CORIN: variants seen among roughly 807,000 people sequenced by gnomAD.
CORIN encodes atrial natriuretic peptide-converting enzyme.
A neutral mutation model predicts 125.3 loss-of-function variants in CORIN; 117 were observed. That is an observed-to-expected ratio of 0.93 (90% CI 0.80 to 1.09). The LOEUF (loss-of-function observed/expected upper bound fraction) is 1.09. Among genes scored for constraint, CORIN ranks in the 50% least tolerant of loss-of-function variants. The pLI, the probability that CORIN is intolerant of heterozygous loss-of-function variation, is 0.00. For missense variants in CORIN, 1,253 were observed against 1,306.7 expected (o/e 0.96, Z 0.63); for synonymous variants, 450 against 466.4 (o/e 0.96, Z 0.45).
chr4:47,795,233 A>C (rs954877876), intron 2 of CORIN, among the ~76,000 whole-genome samples: 1 of 152,094 alleles, frequency 6.6e-6, no homozygotes, highest in Non-Finnish European at 1.5e-5. Context: ...TGATGCCTCT[A>C]TCTTTGTCGT....
chr4:47,702,819 C>A (rs1287871710), intron 5 of CORIN, among the ~76,000 whole-genome samples: 1 of 152,190 alleles, frequency 6.6e-6, no homozygotes, highest in Non-Finnish European at 1.5e-5. Flanking sequence ...TCTAAAAATT[C>A]ACTTCCAATC....
intron 12 of CORIN, among the ~76,000 whole-genome samples, chr4:47,661,153 A>C (rs1228603659): frequency 6.6e-6 from 1 of 152,190 alleles, no homozygotes; most frequent in Non-Finnish European, 1.5e-5. Context: ...TGGTGATAGA[A>C]AGTAGACCAA....
At chr4:47,692,878 C>G (rs1725829655) in intron 6 of CORIN, 92 bp downstream of exon 6, 1 of 958,424 alleles carries the variant, frequency 1.0e-6, no homozygotes, top group Admixed American at 1.8e-5. Context: ...TTTAGAAAGG[C>G]AAACAAAAAG....
At chr4:47,671,280 G>A (rs546065013) in intron 10 of CORIN, among the ~76,000 whole-genome samples, 8 of 152,152 alleles carry the variant, frequency 5.3e-5, no homozygotes, top group African/African-American at 1.9e-4. Flanking sequence ...CCAGTGAGAG[G>A]CTGTCTCCAC....
chr4:47,782,800 G>A (rs183268959), intron 3 of CORIN, among the ~76,000 whole-genome samples: 165 of 152,094 alleles, frequency 1.1e-3, no homozygotes, highest in Non-Finnish European at 1.5e-3. Context: ...CAGATACAAA[G>A]GACCACATAT....
chr4:47,623,096 C>CTCTCTA (rs771867590), intron 19 of CORIN, among the ~76,000 whole-genome samples: 3,461 of 101,980 alleles, frequency 0.034, 86 homozygotes, highest in Non-Finnish European at 0.043. Flanking sequence ...CTCTCTCTCT[C>CTCTCTA]TATATATATA....
At chr4:47,725,076 C>T (rs539727759) in intron 5 of CORIN, among the ~76,000 whole-genome samples, 6 of 152,106 alleles carry the variant, frequency 3.9e-5, no homozygotes, top group Non-Finnish European at 8.8e-5. Flanking sequence ...TAACAAAATA[C>T]GTGCAAGACC....
intron 5 of CORIN, among the ~76,000 whole-genome samples, chr4:47,729,607 A>G (rs1727766177): frequency 6.6e-6 from 1 of 152,164 alleles, no homozygotes. Flanking sequence ...GGCACAAATG[A>G]TACAGACGGG....
At chr4:47,826,940 G>T (rs889167836) in intron 1 of CORIN, among the ~76,000 whole-genome samples, 15 of 151,944 alleles carry the variant, frequency 9.9e-5, no homozygotes, top group African/African-American at 2.9e-4. Context: ...AAAGGTAAAA[G>T]ATTTCATTAA....
At chr4:47,675,638 C>A (rs1043521473) in intron 9 of CORIN, among the ~76,000 whole-genome samples, 1 of 152,122 alleles carries the variant, frequency 6.6e-6, no homozygotes, top group Non-Finnish European at 1.5e-5. Context: ...GGGCATAATA[C>A]CCCCTGGGAA....
intron 19 of CORIN, among the ~76,000 whole-genome samples, chr4:47,621,858 T>C (rs1235022498): frequency 1.3e-5 from 2 of 152,134 alleles, no homozygotes; most frequent in South Asian, 2.1e-4. Context: ...ATCTTTTTTT[T>C]TTTTTTATAC....
intron 16 of CORIN, among the ~76,000 whole-genome samples, chr4:47,630,633 T>C (rs774549280): frequency 1.3e-5 from 2 of 152,168 alleles, no homozygotes; most frequent in African/African-American, 2.4e-5. Flanking sequence ...CAATTGCCAT[T>C]TGTCTACATA....
At chr4:47,707,866 G>A (rs1281584609) in intron 5 of CORIN, among the ~76,000 whole-genome samples, 2 of 152,098 alleles carry the variant, frequency 1.3e-5, no homozygotes, top group African/African-American at 4.8e-5. Context: ...GAAGTCCTTT[G>A]CCATGCTAAG....
At chr4:47,736,453 A>C (rs1728140276) in intron 5 of CORIN, among the ~76,000 whole-genome samples, 2 of 152,240 alleles carry the variant, frequency 1.3e-5, no homozygotes, top group African/African-American at 4.8e-5. Flanking sequence ...AAGGTCCCAG[A>C]GAGAAGATAA....
intron 14 of CORIN, among the ~76,000 whole-genome samples, chr4:47,643,883 G>GT (rs1046638638): frequency 6.6e-6 from 1 of 152,100 alleles, no homozygotes; most frequent in Non-Finnish European, 1.5e-5. Context: ...TCTGTCTACA[G>GT]TTTTTTTGTT....
At chr4:47,641,507 TTAGAG>T (rs977442647) in intron 16 of CORIN, among the ~76,000 whole-genome samples, 3 of 151,978 alleles carry the variant, frequency 2.0e-5, no homozygotes, top group African/African-American at 4.8e-5. Flanking sequence ...ACTGCCTTAC[TTAGAG>T]TAAACAGAAA....
chr4:47,679,543 T>C (rs1725170668), intron 8 of CORIN: 1 of 152,400 alleles, frequency 6.6e-6, no homozygotes, highest in Non-Finnish European at 1.5e-5. Context: ...TTTGTATTTT[T>C]ACTAGAGACT....
At chr4:47,740,502 T>C (rs903759479) in intron 5 of CORIN, among the ~76,000 whole-genome samples, 3 of 151,934 alleles carry the variant, frequency 2.0e-5, no homozygotes, top group Non-Finnish European at 4.4e-5. Context: ...GATAACAATT[T>C]TGTTTTAAAA....
At chr4:47,710,424 T>C (rs1252463538) in intron 5 of CORIN, among the ~76,000 whole-genome samples, 1 of 152,264 alleles carries the variant, frequency 6.6e-6, no homozygotes, top group Non-Finnish European at 1.5e-5. Context: ...TGTTCATGTG[T>C]ATGACTTTAT....
Sources: allele counts gnomAD v4.1 joint callset (sites outside exome capture counted in the v4.1 genomes callset), GRCh38; gene constraint gnomAD v4.1.1; transcripts MANE v1.5; gene names NCBI Gene and HGNC (gene_info 2026-07-23, HGNC 2026-07-21).